CWC22: variants seen among roughly 807,000 people sequenced by gnomAD.
CWC22 encodes CWC22 spliceosome associated protein.
A neutral mutation model predicts 117.2 loss-of-function variants in CWC22; 53 were observed. That is an observed-to-expected ratio of 0.45 (90% CI 0.36 to 0.57). CWC22 has a LOEUF of 0.57. Ranked by LOEUF, CWC22 falls within the 20% of genes least tolerant of loss-of-function variation. The pLI, the probability that CWC22 is intolerant of heterozygous loss-of-function variation, is 0.00. For missense variants in CWC22, 980 were observed against 1,068.8 expected, an observed-to-expected ratio of 0.92 and a Z score of 1.16; for synonymous variants, 360 against 355.6, an observed-to-expected ratio of 1.01 and a Z score of -0.14.
chr2:179,958,446 T>C (rs1686658244), intron 14 of CWC22, among the ~76,000 whole-genome samples: 1 of 152,016 alleles, frequency 6.6e-6, no homozygotes, highest in South Asian at 2.1e-4. Context: ...AATGCGTTAG[T>C]CACAAGCTCG....
At chr2:179,952,988 T>C (rs889069555) in intron 16 of CWC22, among the ~76,000 whole-genome samples, 2 of 152,070 alleles carry the variant, frequency 1.3e-5, no homozygotes, top group East Asian at 1.9e-4. Flanking sequence ...TTAGCACACA[T>C]AACATACGAT....
intron 1 of CWC22, among the ~76,000 whole-genome samples, chr2:179,997,806 C>T (rs1240731543): frequency 6.6e-6 from 1 of 152,164 alleles, no homozygotes. Flanking sequence ...GTGAAGCTTA[C>T]ATTCTAGGTA....
At chr2:179,962,347 T>C (rs1187572799) in intron 13 of CWC22, among the ~76,000 whole-genome samples, 1 of 152,152 alleles carries the variant, frequency 6.6e-6, no homozygotes, top group Non-Finnish European at 1.5e-5. Context: ...CATAGCCACC[T>C]GGCTTGATTA....
chr2:179,972,727 G>A (rs1429889411), intron 8 of CWC22, among the ~76,000 whole-genome samples: 10 of 152,126 alleles, frequency 6.6e-5, no homozygotes, highest in Non-Finnish European at 1.3e-4. Context: ...ATTAAATATG[G>A]CCAGGCGTGG....
chr2:179,991,328 T>C (rs1401936837), intron 2 of CWC22, among the ~76,000 whole-genome samples: 1 of 152,216 alleles, frequency 6.6e-6, no homozygotes, highest in Non-Finnish European at 1.5e-5. Flanking sequence ...TGAAGCCTTA[T>C]GAACCTAATA....
rs78040299 is a variant in CWC22 at position 179,989,067 on chromosome 2, C to G, written c.28-423G>C. ...CCAATGTGTAGTCTTTTATCCCTAA[C>G]CACCCCCCTACTCTCCCTGACCCTT... On this transcript the variant is annotated intron_variant, in intron 2 of 19. Coordinates refer to ENST00000410053, the MANE Select transcript of CWC22 (RefSeq NM_020943.3). Among the ~76,000 whole-genome samples the G allele has an allele frequency of 5.3e-3, 811 of 151,946 alleles. 7 individuals are homozygous for G. The highest frequency in any genetic ancestry group is 0.019 in the African/African-American group (775 of 41,452).
chr2:180,004,459 T>C (rs1687921422), intron 1 of CWC22, among the ~76,000 whole-genome samples: 1 of 151,996 alleles, frequency 6.6e-6, no homozygotes, highest in Admixed American at 6.6e-5. Context: ...TGGAGAGAGC[T>C]CAGCTCACTG....
intron 19 of CWC22, among the ~76,000 whole-genome samples, chr2:179,945,943 C>T (rs1036134349): frequency 1.3e-5 from 2 of 152,046 alleles, no homozygotes; most frequent in South Asian, 2.1e-4. Context: ...AGTGCAGTGG[C>T]GCAATCTCGG....
At chr2:179,967,686 CT>C (rs1181611914) in intron 11 of CWC22, among the ~76,000 whole-genome samples, 2 of 152,174 alleles carry the variant, frequency 1.3e-5, no homozygotes, top group Non-Finnish European at 2.9e-5. Flanking sequence ...GAATATAGGA[CT>C]TTATCCTAAT....
intron 16 of CWC22, among the ~76,000 whole-genome samples, chr2:179,953,661 T>G (rs1448270581): frequency 1.3e-5 from 2 of 152,114 alleles, no homozygotes; most frequent in African/African-American, 4.8e-5. Flanking sequence ...CAAATTTCAA[T>G]CCAGTGCACA....
chr2:180,006,701 G>C (rs564313146), intron 1 of CWC22, among the ~76,000 whole-genome samples, 166 bp downstream of exon 1: 2 of 152,320 alleles, frequency 1.3e-5, no homozygotes, highest in Non-Finnish European at 2.9e-5. Context: ...AAGGGGCTTT[G>C]GCAAGCCCCA....
intron 4 of CWC22, among the ~76,000 whole-genome samples, chr2:179,984,756 TG>T (rs1305826244): frequency 2.0e-5 from 3 of 152,038 alleles, no homozygotes; most frequent in Non-Finnish European, 4.4e-5. Context: ...TGAAAATGGT[TG>T]TTACAGAGAC....
intron 19 of CWC22, among the ~76,000 whole-genome samples, chr2:179,946,473 G>GGT (rs1559282524): frequency 6.6e-5 from 9 of 136,264 alleles, no homozygotes; most frequent in African/African-American, 2.1e-4. Context: ...AAGGGGGGGG[G>GGT]GGAAGGGGAG....
At chr2:179,995,051 G>A (rs1164529408) in intron 1 of CWC22, among the ~76,000 whole-genome samples, 4 of 152,188 alleles carry the variant, frequency 2.6e-5, no homozygotes, top group Non-Finnish European at 4.4e-5. Flanking sequence ...CTGGGAGGCG[G>A]AGCTTGCAGT....
intron 13 of CWC22, among the ~76,000 whole-genome samples, chr2:179,959,663 T>C (rs1686696444): frequency 6.6e-6 from 1 of 152,142 alleles, no homozygotes; most frequent in Admixed American, 6.5e-5. Flanking sequence ...GCTACAAACC[T>C]GTTCAGCATG....
At chr2:179,979,844 T>C (rs979240325) in intron 5 of CWC22, among the ~76,000 whole-genome samples, 15 of 152,290 alleles carry the variant, frequency 9.8e-5, no homozygotes, top group African/African-American at 3.6e-4. Flanking sequence ...ACAACCTATC[T>C]TATTAAACTA....
chr2:179,972,695 T>C (rs1687061479), intron 8 of CWC22, among the ~76,000 whole-genome samples: 1 of 152,182 alleles, frequency 6.6e-6, no homozygotes, highest in African/African-American at 2.4e-5. Context: ...TTGATCAGCA[T>C]CAAAGTGTTA....
At position 179,950,662 on chromosome 2, in the gene CWC22, T is replaced by C; in HGVS notation, c.1990A>G (p.Asn664Asp). 1 of 1,613,616 alleles carries C rather than the reference T, an allele frequency of 6.2e-7. No homozygotes were observed. The change falls in exon 19 of 20, where the codon AAT becomes GAT. Residue 664 changes from asparagine (N) to aspartate (D), a missense_variant. Physicochemically the swap from Asn to Asp is conservative, Grantham distance 23. Around this residue, in one of 3 missense-constraint regions of CWC22, gnomAD observed 306 missense variants for 296.8 expected, o/e 1.03. Coordinates refer to ENST00000410053, the MANE Select transcript of CWC22 (RefSeq NM_020943.3). ...IVAQKPDVEQ[N>D]KSSPSSSSSA... ...GAGGAAGAGGATGGGGAGGATTTAT[T>C]TTGCTCAACATCTGGTTTCTGCGCC...
chr2:180,001,490 A>G (rs1209174385), intron 1 of CWC22, among the ~76,000 whole-genome samples: 1 of 151,920 alleles, frequency 6.6e-6, no homozygotes, highest in African/African-American at 2.4e-5. Flanking sequence ...CACCATGCCC[A>G]GCTAATTTTG....
Sources: gnomAD v4.1 joint callset for allele counts (sites outside exome capture counted in the v4.1 genomes callset) on GRCh38, gnomAD v4.1.1 for gene constraint, gnomAD v4.1.1 regional missense constraint, MANE v1.5 for transcripts, NCBI Gene and HGNC (gene_info 2026-07-23, HGNC 2026-07-21) for gene names.